Variants in CALN1 observed in about 807,000 individuals in gnomAD.
CALN1 encodes calneuron 1, also known as calcium-binding protein 8.
A neutral mutation model predicts 30.6 loss-of-function variants in CALN1; 17 were observed. The ratio of observed to expected loss-of-function variants is 0.56; its 90% CI spans 0.38 to 0.83. The LOEUF (loss-of-function observed/expected upper bound fraction) is 0.83, where lower values mean the gene tolerates loss of function less well. CALN1 is among the 40% of genes least tolerant of loss of function. The pLI, the probability that CALN1 is intolerant of heterozygous loss-of-function variation, is 0.00. For missense variants in CALN1, 291 were observed against 354.9 expected (o/e 0.82, Z 1.45); for synonymous variants, 156 against 131.4 (o/e 1.19, Z -1.28).
At position 72,179,224 on chromosome 7, in the gene CALN1, C is replaced by A. The variant is rs1789582826; in HGVS notation, c.245-72930G>T. Among the ~76,000 whole-genome samples the A allele has an allele frequency of 2.6e-5, 4 of 152,326 alleles. No individual in the cohort carries two copies. In the South Asian group the frequency reaches 6.2e-4, roughly 24 times the overall value. On this transcript the variant is annotated intron_variant, in intron 3 of 6. Coordinates refer to ENST00000395275, the MANE Select transcript of CALN1 (RefSeq NM_031468.4). The stretch of plus-strand genomic sequence containing the variant: ...TAAGAAAAACATTCTATTTATACGT[C>A]TAACCAGGACAGCTCTGAGAGGCTA...
the CALN1 span, among the ~76,000 whole-genome samples, chr7:72,459,625 CAAA>C: frequency 1.1e-4 from 5 of 44,444 alleles, no homozygotes; most frequent in Non-Finnish European, 1.5e-4. Context: ...AACCCTGTCT[CAAA>C]AAAAAAAAAA....
chr7:72,319,681 T>C (rs1170525260), intron 2 of CALN1, among the ~76,000 whole-genome samples: 2 of 152,206 alleles, frequency 1.3e-5, no homozygotes, highest in Non-Finnish European at 2.9e-5. Context: ...ATGCACAATA[T>C]ACTATGTTAA....
chr7:71,787,895 G>A lies in CALN1; in HGVS notation c.666C>T (p.Ser222=), dbSNP rs1793067973. ...CGCAGGTCTGTCTGTTCTGCTTCTG[G>A]GAATGCACTGGTGGTGGGAGAAGCA... The part of the protein sequence containing the change: ...NCQTEFEGVH[S]QKQNRQTCVR... Residue 222 remains serine, a synonymous_variant, in exon 7 of 7, where the codon TCC becomes TCT. Coordinates refer to ENST00000395275, the MANE Select transcript of CALN1 (RefSeq NM_031468.4). 1.2e-6 allele frequency: 2 copies of A among 1,613,970 alleles called. No individual in the cohort carries two copies. The highest frequency in any genetic ancestry group is 2.7e-5 in the African/African-American group (2 of 74,918).
chr7:72,388,816 A>G (rs1805398740), intron 2 of CALN1, among the ~76,000 whole-genome samples: 1 of 152,126 alleles, frequency 6.6e-6, no homozygotes, highest in Non-Finnish European at 1.5e-5. Context: ...GCAGGTGTGC[A>G]CTGGCTGGCC....
chr7:72,192,804 TC>T (rs1287693727), intron 3 of CALN1, among the ~76,000 whole-genome samples: 1 of 49,706 alleles, frequency 2.0e-5, no homozygotes. Context: ...CCCTCCCCCC[TC>T]CCCCCACCCC....
intron 3 of CALN1, among the ~76,000 whole-genome samples, chr7:72,145,401 C>A (rs1247397385): frequency 6.6e-6 from 1 of 152,224 alleles, no homozygotes; most frequent in Non-Finnish European, 1.5e-5. Flanking sequence ...GACACATACA[C>A]TCTCCCAAGA....
At chr7:72,011,933 C>T (rs933053412) in intron 5 of CALN1, among the ~76,000 whole-genome samples, 8 of 152,086 alleles carry the variant, frequency 5.3e-5, no homozygotes, top group African/African-American at 1.9e-4. Flanking sequence ...CATACTCAGC[C>T]CATTTAGATA....
rs188643156 is a variant in CALN1, at chr7:72,184,461, A to G, written c.245-78167T>C. Among the ~76,000 whole-genome samples, 155 of 152,348 alleles carry G rather than the reference A, an allele frequency of 1.0e-3. No individual in the cohort carries two copies. In the East Asian group the frequency reaches 0.02, roughly 20 times the overall value. On this transcript the variant is annotated intron_variant, in intron 3 of 6. Coordinates refer to ENST00000395275, the MANE Select transcript of CALN1 (RefSeq NM_031468.4). ...GTTCATATTTTTATGTGTATAATTT[A>G]TGACATGTGAGCAATATAGGAGTTA...
chr7:72,078,577 C>A (rs1395936982), intron 4 of CALN1, among the ~76,000 whole-genome samples: 2 of 152,156 alleles, frequency 1.3e-5, no homozygotes. Flanking sequence ...CCCAGATTGT[C>A]GAGCAACTCT....
At chr7:71,809,582 T>C (rs1422545543) in intron 6 of CALN1, among the ~76,000 whole-genome samples, 1 of 151,998 alleles carries the variant, frequency 6.6e-6, no homozygotes, top group Non-Finnish European at 1.5e-5. Flanking sequence ...TTAAAAATTT[T>C]TTTTCTATAC....
At chr7:71,843,939 T>C (rs868345030) in intron 5 of CALN1, among the ~76,000 whole-genome samples, 2 of 151,944 alleles carry the variant, frequency 1.3e-5, no homozygotes, top group Admixed American at 6.6e-5. Flanking sequence ...GGAGAGGAAG[T>C]GGGGTAACAG....
intron 5 of CALN1, among the ~76,000 whole-genome samples, chr7:71,900,194 T>G (rs1448227470): frequency 6.6e-6 from 1 of 152,112 alleles, no homozygotes; most frequent in African/African-American, 2.4e-5. Context: ...AGAAAAGCAG[T>G]TAAGGTCATA....
chr7:72,179,604 A>G (rs148572513), intron 3 of CALN1, among the ~76,000 whole-genome samples: 113 of 152,294 alleles, frequency 7.4e-4, no homozygotes, highest in African/African-American at 2.0e-3. Context: ...GTGTACATAT[A>G]TATGTGTAAC....
chr7:72,409,322 T>TA (rs1806943740), intron 1 of CALN1, among the ~76,000 whole-genome samples: 1 of 151,772 alleles, frequency 6.6e-6, no homozygotes, highest in South Asian at 2.1e-4. Flanking sequence ...ACCTCTGTGC[T>TA]TGTAACCCAT....
intron 5 of CALN1, among the ~76,000 whole-genome samples, chr7:71,901,869 T>C (rs1476830142): frequency 1.3e-5 from 2 of 152,144 alleles, no homozygotes; most frequent in African/African-American, 2.4e-5. Flanking sequence ...AAAGAATTCA[T>C]GACTAAGACC....
At position 72,396,912 on chromosome 7, in the gene CALN1, G is replaced by T. The variant is rs187490863; in HGVS notation, c.119+6339C>A. On this transcript the variant is annotated intron_variant, in intron 2 of 6. Coordinates refer to ENST00000395275, the MANE Select transcript of CALN1 (RefSeq NM_031468.4). The stretch of plus-strand genomic sequence containing the variant: ...GAATCTTTTAGTAGTAGTAGTAAAA[G>T]TAGTAGTAGAACTAGTAAGACAGGG... Among the ~76,000 whole-genome samples the T allele has an allele frequency of 5.3e-5, 8 of 152,220 alleles. No homozygotes were observed. The East Asian group carries it at 1.5e-3, about 29-fold the overall frequency.
chr7:72,240,165 T>C (rs1331735539), intron 3 of CALN1, among the ~76,000 whole-genome samples: 2 of 151,622 alleles, frequency 1.3e-5, no homozygotes, highest in African/African-American at 4.9e-5. Context: ...ACCAGTCCTA[T>C]AGTTCTCGAA....
At chr7:71,934,870 G>C (rs1296273538) in intron 5 of CALN1, among the ~76,000 whole-genome samples, 1 of 152,198 alleles carries the variant, frequency 6.6e-6, no homozygotes, top group Non-Finnish European at 1.5e-5. Context: ...TGGCAGAGAA[G>C]AGAGAGAACT....
At chr7:71,952,339 C>A (rs574822512) in intron 5 of CALN1, among the ~76,000 whole-genome samples, 1 of 152,156 alleles carries the variant, frequency 6.6e-6, no homozygotes, top group African/African-American at 2.4e-5. Context: ...TTCCCAAGTG[C>A]ACCCCCCTCA....
Sources: gnomAD v4.1 joint callset for allele counts (sites outside exome capture counted in the v4.1 genomes callset) on GRCh38, gnomAD v4.1.1 for gene constraint, MANE v1.5 for transcripts, NCBI Gene and HGNC (gene_info 2026-07-23, HGNC 2026-07-21) for gene names.